Variants in FHOD3 observed in about 807,000 individuals in gnomAD.
The protein encoded by FHOD3 is FH1/FH2 domain-containing protein 3.
FHOD3 carries 90 observed loss-of-function variants against 173.0 expected under a neutral mutation model. That is an observed-to-expected ratio of 0.52 (90% CI 0.44 to 0.62). The LOEUF (loss-of-function observed/expected upper bound fraction) is 0.62, where lower values mean the gene tolerates loss of function less well. Among genes scored for constraint, FHOD3 ranks in the 20% least tolerant of loss-of-function variants. The pLI, the probability that FHOD3 is intolerant of heterozygous loss-of-function variation, is 0.00. For missense variants in FHOD3, 1,945 were observed against 2,034.7 expected (o/e 0.96, Z 0.85); for synonymous variants, 828 against 823.0 (o/e 1.01, Z -0.10).
intron 27 of FHOD3, among the ~76,000 whole-genome samples, chr18:36,768,114 A>C (rs920378278): frequency 6.6e-6 from 1 of 152,180 alleles, no homozygotes; most frequent in Non-Finnish European, 1.5e-5. Flanking sequence ...TCTCACCTAC[A>C]GGTTTTTGAA....
chr18:36,746,887 A>T, intron 23 of FHOD3, 58 bp from the exon 24 acceptor site: 1 of 1,365,702 alleles, frequency 7.3e-7, no homozygotes. Flanking sequence ...TTTGTCTCTC[A>T]GTTCAGGCTG....
intron 6 of FHOD3, among the ~76,000 whole-genome samples, chr18:36,582,791 T>C (rs867656335): frequency 8.0e-4 from 122 of 152,362 alleles, no homozygotes; most frequent in African/African-American, 2.8e-3. Context: ...ACCTCTGATA[T>C]ATTACATCTT....
intron 6 of FHOD3, among the ~76,000 whole-genome samples, chr18:36,582,301 C>T (rs927258091): frequency 6.6e-6 from 1 of 152,214 alleles, no homozygotes; most frequent in African/African-American, 2.4e-5. Context: ...GCTCAGATGA[C>T]CCAAATATGG....
At chr18:36,593,119 G>T (rs892448276) in intron 6 of FHOD3, among the ~76,000 whole-genome samples, 1 of 152,220 alleles carries the variant, frequency 6.6e-6, no homozygotes, top group Non-Finnish European at 1.5e-5. Context: ...GGCAGAGGAA[G>T]TTGTTTTTGG....
At chr18:36,593,554 A>G (rs186215540) in intron 6 of FHOD3, among the ~76,000 whole-genome samples, 8 of 152,272 alleles carry the variant, frequency 5.3e-5, no homozygotes, top group African/African-American at 1.9e-4. Context: ...AAATTTACCT[A>G]TAAATTCTAC....
chr18:36,748,201 ACTAT>A (rs2150124751), intron 24 of FHOD3, among the ~76,000 whole-genome samples: 1 of 152,178 alleles, frequency 6.6e-6, no homozygotes, highest in East Asian at 1.9e-4. Flanking sequence ...AATCTCCCTG[ACTAT>A]CTATCTAGAC....
intron 14 of FHOD3, among the ~76,000 whole-genome samples, chr18:36,661,636 T>C (rs989546331): frequency 6.6e-6 from 1 of 152,196 alleles, no homozygotes; most frequent in African/African-American, 2.4e-5. Flanking sequence ...CGGCCCACTT[T>C]GGAAATGCAA....
chr18:36,537,397 G>T (rs1010710625), intron 5 of FHOD3, among the ~76,000 whole-genome samples: 2 of 152,150 alleles, frequency 1.3e-5, no homozygotes, highest in Non-Finnish European at 2.9e-5. Flanking sequence ...ATGGGGAGCT[G>T]GGACTTTCAT....
chr18:36,695,535 T>G (rs910919825), intron 17 of FHOD3, among the ~76,000 whole-genome samples: 1 of 152,158 alleles, frequency 6.6e-6, no homozygotes, highest in Non-Finnish European at 1.5e-5. Context: ...TGTTTGCTTT[T>G]TTCCTGGAAA....
At chr18:36,514,779 G>A (rs1040191650) in intron 5 of FHOD3, among the ~76,000 whole-genome samples, 6 of 152,154 alleles carry the variant, frequency 3.9e-5, no homozygotes, top group African/African-American at 1.4e-4. Context: ...AAGCCCAGGC[G>A]AGGGGCACAA....
At chr18:36,465,056 T>G (rs372159248) in intron 3 of FHOD3, among the ~76,000 whole-genome samples, 1 of 152,110 alleles carries the variant, frequency 6.6e-6, no homozygotes, top group Non-Finnish European at 1.5e-5. Context: ...GGCTGGGCGC[T>G]GTGGCTCACG....
chr18:36,420,384 G>A (rs76000636), intron 3 of FHOD3, among the ~76,000 whole-genome samples: 76 of 152,354 alleles, frequency 5.0e-4, no homozygotes, highest in African/African-American at 1.8e-3. Context: ...CCAATCTGCA[G>A]TCTCCTCTCT....
At chr18:36,745,354 G>A (rs1470535282) in intron 23 of FHOD3, among the ~76,000 whole-genome samples, 1 of 152,166 alleles carries the variant, frequency 6.6e-6, no homozygotes, top group Admixed American at 6.5e-5. Flanking sequence ...TCCCCAAAGT[G>A]CCATGAAACC....
At chr18:36,472,320 C>A (rs1455862399) in intron 3 of FHOD3, among the ~76,000 whole-genome samples, 3 of 152,134 alleles carry the variant, frequency 2.0e-5, no homozygotes, top group Non-Finnish European at 4.4e-5. Context: ...CTGTGTCATC[C>A]CTGTTTTATG....
At chr18:36,735,607 G>C (rs2041591119) in intron 20 of FHOD3, among the ~76,000 whole-genome samples, 1 of 152,094 alleles carries the variant, frequency 6.6e-6, no homozygotes, top group Non-Finnish European at 1.5e-5. Context: ...ATAATCATAA[G>C]AATGAAAGAA....
At chr18:36,630,907 A>G (rs2034466287) in intron 10 of FHOD3, among the ~76,000 whole-genome samples, 1 of 152,246 alleles carries the variant, frequency 6.6e-6, no homozygotes, top group Admixed American at 6.5e-5. Flanking sequence ...AAGGATATAT[A>G]AATGGGTCTT....
chr18:36,657,184 G>A (rs1438486896), intron 13 of FHOD3, among the ~76,000 whole-genome samples: 2 of 152,164 alleles, frequency 1.3e-5, no homozygotes, highest in Admixed American at 6.5e-5. Flanking sequence ...TTCTAATACA[G>A]TGTCCCTAAC....
chr18:36,669,674 AT>A (rs908268810), intron 14 of FHOD3, among the ~76,000 whole-genome samples: 1 of 151,476 alleles, frequency 6.6e-6, no homozygotes, highest in African/African-American at 2.4e-5. Flanking sequence ...ACACACTTTC[AT>A]TTTTTTTCTT....
chr18:36,592,480 G>A (rs1005607083), intron 6 of FHOD3, among the ~76,000 whole-genome samples: 1 of 152,230 alleles, frequency 6.6e-6, no homozygotes, highest in Non-Finnish European at 1.5e-5. Context: ...CGGAGAGGGG[G>A]TGTCAAGAAA....
Sources: allele counts gnomAD v4.1 joint callset (sites outside exome capture counted in the v4.1 genomes callset), GRCh38; gene constraint gnomAD v4.1.1; transcripts MANE v1.5; gene names NCBI Gene and HGNC (gene_info 2026-07-23, HGNC 2026-07-21).